ITPR2: variants seen among roughly 807,000 people sequenced by gnomAD.
ITPR2 encodes inositol 1,4,5-trisphosphate receptor type 2, also known as inositol 1,4,5-trisphosphate-gated calcium channel ITPR2.
ITPR2 carries 207 observed loss-of-function variants against 317.1 expected under a neutral mutation model. The ratio of observed to expected loss-of-function variants is 0.65; its 90% CI spans 0.58 to 0.73. The LOEUF (loss-of-function observed/expected upper bound fraction) is 0.73, where lower values mean the gene tolerates loss of function less well. Ranked by LOEUF, ITPR2 falls within the 30% of genes least tolerant of loss-of-function variation. ITPR2 has a pLI of 0.00. For synonymous variants in ITPR2, 1,156 were observed against 1,149.1 expected (o/e 1.01, Z -0.12); for missense variants, 2,613 against 3,284.0 (o/e 0.80, Z 4.99).
intron 54 of ITPR2, 25 bp downstream of exon 54, chr12:26,398,851 A>G (rs1461075059): frequency 1.3e-6 from 2 of 1,587,474 alleles, no homozygotes; most frequent in Admixed American, 3.7e-5. Flanking sequence ...TTCATCTATT[A>G]TTTTAGCATC....
chr12:26,782,037 TAGAGAGAGAGAGAGAGAG>T (rs1177233376), intron 2 of ITPR2, among the ~76,000 whole-genome samples: 2 of 51,736 alleles, frequency 3.9e-5, no homozygotes, highest in African/African-American at 5.7e-5. Context: ...TATATATGTA[TAGAGAGAGAGAGAGAGAG>T]AGAGAGAGAG....
chr12:26,687,529 T>C (rs1192501846), intron 10 of ITPR2, among the ~76,000 whole-genome samples: 1 of 152,112 alleles, frequency 6.6e-6, no homozygotes, highest in East Asian at 1.9e-4. Context: ...GCAGCCTATA[T>C]CCATGGACAA....
chr12:26,733,991 C>T (rs1367949083), intron 2 of ITPR2, among the ~76,000 whole-genome samples: 4 of 152,126 alleles, frequency 2.6e-5, no homozygotes, highest in Non-Finnish European at 5.9e-5. Context: ...AGACAAGATA[C>T]ACACATATAT....
chr12:26,820,428 C>T (rs1049404002), intron 1 of ITPR2, among the ~76,000 whole-genome samples: 8 of 152,010 alleles, frequency 5.3e-5, no homozygotes, highest in African/African-American at 1.9e-4. Context: ...CAAAAAGATC[C>T]CTGCCTTCAA....
At chr12:26,682,507 C>T (rs1948053482) in intron 12 of ITPR2, 67 bp downstream of exon 12, 3 of 943,448 alleles carry the variant, frequency 3.2e-6, no homozygotes, top group Non-Finnish European at 5.1e-6. Flanking sequence ...TGTCACACAG[C>T]ATTCCTATCC....
intron 1 of ITPR2, among the ~76,000 whole-genome samples, chr12:26,813,315 A>G (rs1950788876): frequency 6.6e-6 from 1 of 152,222 alleles, no homozygotes; most frequent in African/African-American, 2.4e-5. Flanking sequence ...CTCTATCACA[A>G]TAATTATTAA....
intron 2 of ITPR2, among the ~76,000 whole-genome samples, chr12:26,788,207 C>A (rs1950290219): frequency 6.6e-6 from 1 of 152,212 alleles, no homozygotes; most frequent in Non-Finnish European, 1.5e-5. Context: ...CAGGTGTGAG[C>A]CACCATGCCC....
At chr12:26,398,738 A>T in intron 54 of ITPR2, 138 bp downstream of exon 54, 1 of 658,518 alleles carries the variant, frequency 1.5e-6, no homozygotes, top group African/African-American at 1.9e-5. Flanking sequence ...TCTAATGCTC[A>T]GTTACATAAT....
intron 45 of ITPR2, among the ~76,000 whole-genome samples, chr12:26,463,989 AT>A (rs1942107235): frequency 6.6e-6 from 1 of 152,108 alleles, no homozygotes; most frequent in Non-Finnish European, 1.5e-5. Flanking sequence ...GTTTATCTAA[AT>A]CTTATCAATC....
At chr12:26,557,970 A>G (rs1360600405) in intron 35 of ITPR2, among the ~76,000 whole-genome samples, 1 of 152,202 alleles carries the variant, frequency 6.6e-6, no homozygotes, top group African/African-American at 2.4e-5. Flanking sequence ...TTAGCTACAG[A>G]AGCACAGATG....
intron 2 of ITPR2, among the ~76,000 whole-genome samples, chr12:26,753,153 T>G (rs1949455935): frequency 6.6e-6 from 1 of 152,088 alleles, no homozygotes; most frequent in South Asian, 2.1e-4. Context: ...AGGCCCCACT[T>G]AATAAAAGGC....
chr12:26,667,310 T>A (rs1236853590), intron 13 of ITPR2, among the ~76,000 whole-genome samples: 1 of 152,234 alleles, frequency 6.6e-6, no homozygotes, highest in African/African-American at 2.4e-5. Context: ...TGCAGCCAAG[T>A]GGACACACCT....
intron 48 of ITPR2, among the ~76,000 whole-genome samples, chr12:26,433,210 C>T (rs968830521): frequency 6.6e-6 from 1 of 152,164 alleles, no homozygotes; most frequent in Admixed American, 6.5e-5. Flanking sequence ...GCCAAAATGG[C>T]AGCTCATGCC....
chr12:26,533,788 T>G (rs1415405791), intron 37 of ITPR2, among the ~76,000 whole-genome samples: 1 of 152,216 alleles, frequency 6.6e-6, no homozygotes, highest in Non-Finnish European at 1.5e-5. Flanking sequence ...AAACCACCTG[T>G]TGACCCCTGA....
intron 1 of ITPR2, among the ~76,000 whole-genome samples, chr12:26,807,811 G>T (rs186974568): frequency 2.0e-5 from 3 of 152,140 alleles, no homozygotes; most frequent in East Asian, 3.9e-4. Context: ...TTCACGAAAG[G>T]TGCCATGGAT....
intron 55 of ITPR2, among the ~76,000 whole-genome samples, chr12:26,355,723 C>A (rs578046548): frequency 6.6e-6 from 1 of 152,136 alleles, no homozygotes; most frequent in South Asian, 2.1e-4. Flanking sequence ...TCTAGAAAAT[C>A]CCTATTTTTT....
At chr12:26,662,633 A>T (rs531938337) in intron 15 of ITPR2, among the ~76,000 whole-genome samples, 3 of 152,186 alleles carry the variant, frequency 2.0e-5, no homozygotes, top group Admixed American at 6.5e-5. Context: ...TATGTTAGAC[A>T]TTTACATTAT....
intron 55 of ITPR2, among the ~76,000 whole-genome samples, chr12:26,370,193 C>T (rs570709009): frequency 6.6e-6 from 1 of 152,110 alleles, no homozygotes; most frequent in Admixed American, 6.5e-5. Context: ...GAATTTGTAC[C>T]TATTTGGTCC....
intron 26 of ITPR2, among the ~76,000 whole-genome samples, chr12:26,607,668 A>G (rs7972269): frequency 0.68 from 103,451 of 152,082 alleles, 35,781 homozygotes; most frequent in East Asian, 0.95. Context: ...TTACTTGCAG[A>G]TAAGTTCCTT....
Sources: gnomAD v4.1 joint callset for allele counts (sites outside exome capture counted in the v4.1 genomes callset) on GRCh38, gnomAD v4.1.1 for gene constraint, MANE v1.5 for transcripts, NCBI Gene and HGNC (gene_info 2026-07-23, HGNC 2026-07-21) for gene names.